Variants in WDR86 observed in about 807,000 individuals in gnomAD.
The protein encoded by WDR86 is WD repeat-containing protein 86.
WDR86 carries 30 observed loss-of-function variants against 36.5 expected under a neutral mutation model. That is an observed-to-expected ratio of 0.82 (90% CI 0.61 to 1.11). WDR86 has a LOEUF of 1.11. Ranked by LOEUF, WDR86 falls within the 50% of genes most tolerant of loss-of-function variation. The pLI, the probability that WDR86 is intolerant of heterozygous loss-of-function variation, is 0.00. For synonymous variants in WDR86, 255 were observed against 252.9 expected (o/e 1.01, Z -0.08); for missense variants, 545 against 561.2 (o/e 0.97, Z 0.29).
rs1050874305 is a variant in WDR86 at position 151,400,133 on chromosome 7, T to A, written c.272A>T (p.Gln91Leu). 1.9e-6 allele frequency: 3 copies of A among 1,611,652 alleles called. No individual in the cohort carries two copies. Among genetic ancestry groups the A allele is most frequent in the Non-Finnish European group, 2.5e-6 (3 of 1,179,000 alleles). ...RWDVLTGQCL[Q>L]VYRGHTSIVN... ...GATGGACGTGTGTCCTCGGTACACC[T>A]GCAGACACTGCCCGGTCAGCACGTC... is the stretch of plus-strand genomic sequence containing the variant. The change falls in exon 2 of 6, where the codon CAG becomes CTG. Residue 91 changes from glutamine to leucine, a missense_variant. Gln to Leu is a moderately radical substitution (Grantham distance 113, BLOSUM62 -2). Transcript: ENST00000334493.
At chr7:151,383,768 C>T (rs1232282351) in intron 4 of WDR86, among the ~76,000 whole-genome samples, 5 of 152,206 alleles carry the variant, frequency 3.3e-5, no homozygotes, top group Non-Finnish European at 4.4e-5. Flanking sequence ...CTGAGCTCCC[C>T]GCGGGTGGGA....
chr7:151,377,282 G>T, downstream of WDR86: 1 of 1,178,590 alleles, frequency 8.5e-7, no homozygotes, highest in East Asian at 2.7e-5. Flanking sequence ...TTATGAAAAG[G>T]CTAATGCAGC....
At chr7:151,400,355 C>G in intron 1 of WDR86, 114 bp from the exon 2 acceptor site, 1 of 1,141,262 alleles carries the variant, frequency 8.8e-7, no homozygotes, top group Admixed American at 3.4e-5. Context: ...GTGTTTGAGA[C>G]AAGCTGGAGT....
rs766569258 is a variant in WDR86, at chr7:151,406,194, C to T, written c.163+3233G>A. ...CCACAGGGAGGGGCTCCCCACACGCCGGTTCTGCAGCCCACTCTCCCTGGG... is the reference window on the plus strand; with the variant it reads ...CCACAGGGAGGGGCTCCCCACACGCTGGTTCTGCAGCCCACTCTCCCTGGG... On this transcript the variant is annotated intron_variant, in intron 1 of 5. Coordinates refer to ENST00000334493, the MANE Select transcript of WDR86 (RefSeq NM_198285.3). The surrounding 1 kb of genome is among the most constrained non-coding windows in gnomAD (Gnocchi z 4.4). Among the ~76,000 whole-genome samples the T allele has an allele frequency of 3.9e-5, 6 of 152,334 alleles. No homozygotes were observed. The highest frequency in any genetic ancestry group is 3.4e-3 in the Middle Eastern group (1 of 294).
chr7:151,376,967 T>C, downstream of WDR86: 5 of 1,427,124 alleles, frequency 3.5e-6, no homozygotes, highest in Non-Finnish European at 4.7e-6. Flanking sequence ...AGAGGCACAG[T>C]CTGAGGTTGA....
downstream of WDR86, among the ~76,000 whole-genome samples, chr7:151,375,454 C>T (rs1798172278): frequency 6.6e-6 from 1 of 152,162 alleles, no homozygotes; most frequent in Non-Finnish European, 1.5e-5. Context: ...AATCAAGGGT[C>T]AAAATAACCC....
At chr7:151,397,680 A>G in intron 2 of WDR86, among the ~76,000 whole-genome samples, 1 of 27,136 alleles carries the variant, frequency 3.7e-5, no homozygotes, top group African/African-American at 8.0e-5. Flanking sequence ...GGAAGAGCAT[A>G]GCGGGAGGAA....
chr7:151,379,589 C>A (rs114474246), downstream of WDR86, among the ~76,000 whole-genome samples: 2,176 of 152,188 alleles, frequency 0.014, 62 homozygotes, highest in African/African-American at 0.051. Flanking sequence ...GAAACCAGAG[C>A]GAAAATGGAC....
intron 2 of WDR86, among the ~76,000 whole-genome samples, chr7:151,399,644 T>C (rs1368530133): frequency 6.6e-6 from 1 of 152,252 alleles, no homozygotes; most frequent in East Asian, 1.9e-4. Context: ...CTGGGATATT[T>C]TCCACAGCTA....
intron 3 of WDR86, among the ~76,000 whole-genome samples, chr7:151,394,111 T>C (rs1165883170): frequency 6.6e-6 from 1 of 152,078 alleles, no homozygotes; most frequent in Non-Finnish European, 1.5e-5. Flanking sequence ...CGGACTGCTG[T>C]GCCCCTTCCC....
At position 151,381,872 on chromosome 7, in the gene WDR86, A is replaced by C; in HGVS notation, c.966+6T>G. On this transcript the variant is annotated splice_donor_region_variant and intron_variant, in intron 5 of 5. Transcript: ENST00000334493. The surrounding 1 kb of genome is among the most constrained non-coding windows in gnomAD (Gnocchi z 4.8). ...CGGCGGCCCCGAGAAGGGCAGAGGG[A>C]CCTACCTGGATGCAGTTGATGATGA... 1.2e-6 allele frequency: 2 copies of C among 1,605,196 alleles called. No individual in the cohort carries two copies. The highest frequency in any genetic ancestry group is 1.7e-6 in the Non-Finnish European group (2 of 1,176,616).
chr7:151,382,128 C>T (rs1798639734), intron 4 of WDR86, 147 bp from the exon 5 acceptor site: 1 of 681,002 alleles, frequency 1.5e-6, no homozygotes, highest in Non-Finnish European at 2.5e-6. Flanking sequence ...GGACAGTGCC[C>T]CTCCAGAGAA....
Position 151,409,825 on chromosome 7 carries a change from G to C in WDR86, c.-236C>G, listed in dbSNP as rs1401965727. On this transcript the variant is annotated 5_prime_UTR_variant, in exon 1 of 6. Transcript: ENST00000334493. The surrounding 1 kb of genome is among the most constrained non-coding windows in gnomAD (Gnocchi z 5.2). ...GGGGGGCGGCCCACTCGGGACCTCCGCCCTGGGTAGAGTCCTGGGCGCGCG... is the reference window on the plus strand; with the variant it reads ...GGGGGGCGGCCCACTCGGGACCTCCCCCCTGGGTAGAGTCCTGGGCGCGCG... 1.6e-6 allele frequency: 2 copies of C among 1,253,084 alleles called. No homozygotes were observed. The highest frequency in any genetic ancestry group is 2.0e-6 in the Non-Finnish European group (2 of 1,001,724). The allele number at this position is 1,253,084 out of a possible 1,614,324, so 77.6% of individuals were successfully genotyped here. A position where few individuals can be genotyped will look rare whatever the true frequency, so the allele number is the denominator to read the frequency against.
downstream of WDR86, chr7:151,373,954 G>A: frequency 1.2e-6 from 1 of 839,846 alleles, no homozygotes; most frequent in East Asian, 2.7e-5. Flanking sequence ...GCTGGGTGAG[G>A]AGAGGTAGAA....
chr7:151,386,833 A>T (rs552998791), intron 3 of WDR86, among the ~76,000 whole-genome samples: 1 of 151,614 alleles, frequency 6.6e-6, no homozygotes. Flanking sequence ...CACTCCACAC[A>T]CCTGTGTCCA....
At chr7:151,376,071 G>A (rs1451074106) in exon 2 of WDR86, 14 of 698,958 alleles carry the variant, frequency 2.0e-5, no homozygotes, top group Non-Finnish European at 3.4e-5. Flanking sequence ...GGCTCCAGGT[G>A]TAACCTGCCC....
chr7:151,376,613 G>T, downstream of WDR86: 1 of 1,582,308 alleles, frequency 6.3e-7, no homozygotes, highest in South Asian at 1.1e-5. Flanking sequence ...CTGATGCTGT[G>T]ACCCCTGCGC....
rs58392384 is a variant in WDR86, at chr7:151,405,056, T to G, written c.163+4371A>C. On this transcript the variant is annotated intron_variant, in intron 1 of 5. Coordinates refer to ENST00000334493, the MANE Select transcript of WDR86 (RefSeq NM_198285.3). The surrounding 1 kb of genome is among the most constrained non-coding windows in gnomAD (Gnocchi z 4.7). ...AGCCCTTGTAGCACAAGGGTTATTT[T>G]CACCTGTGGGGGAGGCCCCACTGAG... Among the ~76,000 whole-genome samples the G allele has an allele frequency of 0.042, 6,465 of 152,196 alleles. 463 individuals carry two copies. Among genetic ancestry groups the G allele is most frequent in the African/African-American group, 0.15 (6,091 of 41,522 alleles).
chr7:151,381,385 AG>A lies in WDR86; in HGVS notation c.*196del. On this transcript the variant is annotated 3_prime_UTR_variant, in exon 6 of 6. Coordinates refer to ENST00000334493, the MANE Select transcript of WDR86 (RefSeq NM_198285.3). This position sits in a 1 kb window ranked among gnomAD's most constrained non-coding sequence, Gnocchi z 4.8. The stretch of plus-strand genomic sequence containing the variant: ...TAAAAGGGAAAAGGGGGCGGTCCCC[AG>A]GGCGAGCACTCCCGCTCCCAGCGCC... The A allele has an allele frequency of 6.9e-7, 1 of 1,458,234 alleles. No homozygotes were observed. Among genetic ancestry groups the A allele is most frequent in the Non-Finnish European group, 9.0e-7 (1 of 1,115,592 alleles). The allele number at this position is 1,458,234 out of a possible 1,614,324, so 90.3% of individuals were successfully genotyped here.
Sources: allele counts gnomAD v4.1 joint callset (sites outside exome capture counted in the v4.1 genomes callset), GRCh38; gene constraint gnomAD v4.1.1; non-coding constraint Gnocchi (gnomAD v3.1); transcripts MANE v1.5; gene names NCBI Gene and HGNC (gene_info 2026-07-23, HGNC 2026-07-21).